The following PAK1 variants were observed in gnomAD, a reference collection of about 807,000 sequenced individuals.
PAK1 encodes the protein p21 (RAC1) activated kinase 1, also known as serine/threonine-protein kinase PAK 1.
Under a neutral mutation model 67.4 loss-of-function variants are expected in PAK1, and 29 were observed. The ratio of observed to expected loss-of-function variants is 0.43; its 90% CI spans 0.32 to 0.59. The LOEUF (loss-of-function observed/expected upper bound fraction) is 0.59. Ranked by LOEUF, PAK1 falls within the 20% of genes least tolerant of loss-of-function variation. The pLI is 0.07. For missense variants in PAK1, 337 were observed against 670.7 expected, an observed-to-expected ratio of 0.50 and a Z score of 5.50; for synonymous variants, 223 against 237.4, an observed-to-expected ratio of 0.94 and a Z score of 0.56.
intron 10 of PAK1, among the ~76,000 whole-genome samples, chr11:77,342,750 G>A (rs971214945): frequency 2.0e-5 from 3 of 152,066 alleles, no homozygotes; most frequent in South Asian, 2.1e-4. Flanking sequence ...ACAAGAAGGC[G>A]CCCTTATGAA....
intron 7 of PAK1, among the ~76,000 whole-genome samples, chr11:77,354,399 A>G (rs1282961677): frequency 6.6e-6 from 1 of 152,168 alleles, no homozygotes; most frequent in Non-Finnish European, 1.5e-5. Flanking sequence ...TGATTTGCAA[A>G]TGAGACAAGT....
At chr11:77,462,098 G>A (rs1254327725) in intron 1 of PAK1, among the ~76,000 whole-genome samples, 3 of 151,404 alleles carry the variant, frequency 2.0e-5, no homozygotes, top group South Asian at 2.1e-4. Context: ...AGGCCGAAGC[G>A]GGTGGATCAC....
chr11:77,332,082 C>T (rs955165404), intron 14 of PAK1, among the ~76,000 whole-genome samples: 11 of 151,400 alleles, frequency 7.3e-5, no homozygotes, highest in African/African-American at 2.4e-4. Context: ...GTGCGCAGAT[C>T]GCTTGAACCC....
intron 1 of PAK1, among the ~76,000 whole-genome samples, chr11:77,454,910 T>A (rs935496755): frequency 1.3e-5 from 2 of 152,190 alleles, no homozygotes; most frequent in Admixed American, 1.3e-4. Flanking sequence ...GGGCAGGTGG[T>A]CTCTACTGGT....
chr11:77,437,385 C>T (rs750919198), intron 1 of PAK1, among the ~76,000 whole-genome samples: 4 of 152,098 alleles, frequency 2.6e-5, no homozygotes, highest in South Asian at 2.1e-4. Context: ...CTAACTTATA[C>T]GATTATTATG....
At chr11:77,415,461 A>T (rs1316881707) in intron 1 of PAK1, among the ~76,000 whole-genome samples, 1 of 152,180 alleles carries the variant, frequency 6.6e-6, no homozygotes, top group African/African-American at 2.4e-5. Flanking sequence ...TCTACTACAC[A>T]CCTAGCCTAT....
the PAK1 span, among the ~76,000 whole-genome samples, chr11:77,481,095 T>G: frequency 1.3e-5 from 2 of 152,224 alleles, no homozygotes; most frequent in South Asian, 4.1e-4. Context: ...GAATGCATAT[T>G]CTCTATTTGT....
intron 1 of PAK1, among the ~76,000 whole-genome samples, chr11:77,452,617 TA>T (rs1037968790): frequency 2.0e-5 from 3 of 151,262 alleles, no homozygotes; most frequent in Non-Finnish European, 4.4e-5. Context: ...AGTAACTTTC[TA>T]AAAGAAAAAA....
chr11:77,375,674 AT>A (rs1948998445), intron 4 of PAK1, among the ~76,000 whole-genome samples: 1 of 152,228 alleles, frequency 6.6e-6, no homozygotes, highest in African/African-American at 2.4e-5. Flanking sequence ...ACTTCATAAA[AT>A]TTGAAAGAGA....
intron 9 of PAK1, among the ~76,000 whole-genome samples, chr11:77,345,070 A>C (rs1944200162): frequency 6.6e-6 from 1 of 152,198 alleles, no homozygotes; most frequent in Non-Finnish European, 1.5e-5. Context: ...TTCATTCTCC[A>C]AACCCAATAT....
intron 1 of PAK1, among the ~76,000 whole-genome samples, chr11:77,467,027 C>G (rs1364583735): frequency 6.6e-6 from 1 of 152,194 alleles, no homozygotes; most frequent in Admixed American, 6.5e-5. Context: ...CCTCTCTGCT[C>G]TCACGCCTCC....
In PAK1 at chr11:77,444,043, A is replaced by G. The variant is rs1240444042; in HGVS notation, c.-22+29509T>C. Among the ~76,000 whole-genome samples the G allele has an allele frequency of 3.9e-5, 6 of 152,228 alleles. No individual in the cohort carries two copies. In the South Asian group the frequency reaches 1.0e-3, roughly 26 times the overall value. Reference sequence around the variant, plus strand: ...CTATAAATGAGCAAACTGAGACTCAAAAAGAATTCCAGTGACTTACCCATG... The same window carrying G: ...CTATAAATGAGCAAACTGAGACTCAGAAAGAATTCCAGTGACTTACCCATG... On this transcript the variant is annotated intron_variant, in intron 1 of 14. Transcript: ENST00000356341.
At chr11:77,461,424 G>T (rs1957338400) in intron 1 of PAK1, among the ~76,000 whole-genome samples, 1 of 152,222 alleles carries the variant, frequency 6.6e-6, no homozygotes, top group Non-Finnish European at 1.5e-5. Context: ...CATCTAATCA[G>T]TTGAAAGGCT....
intron 12 of PAK1, among the ~76,000 whole-genome samples, chr11:77,336,919 A>G (rs546674262): frequency 6.6e-6 from 1 of 152,086 alleles, no homozygotes; most frequent in East Asian, 1.9e-4. Flanking sequence ...ACTTGTCCTC[A>G]TATCCCTAGA....
the PAK1 span, among the ~76,000 whole-genome samples, chr11:77,520,581 TCCTAAG>T: frequency 6.6e-6 from 1 of 152,052 alleles, no homozygotes; most frequent in Non-Finnish European, 1.5e-5. Flanking sequence ...CCAAGCCCAA[TCCTAAG>T]CCAACCAGTT....
intron 1 of PAK1, among the ~76,000 whole-genome samples, chr11:77,432,894 C>A (rs746768576): frequency 1.3e-5 from 2 of 150,106 alleles, no homozygotes; most frequent in Non-Finnish European, 3.0e-5. Context: ...ACTTGTACAA[C>A]CTTGAAAAAG....
rs113975614 is a variant in PAK1 at position 77,337,426 on chromosome 11, A to G, written c.1117-3T>C. 1.3e-5 allele frequency: 21 copies of G among 1,561,610 alleles called. No individual in the cohort carries two copies. The highest frequency in any genetic ancestry group is 5.4e-5 in the African/African-American group (4 of 73,982). ...AAGAACTCCAGAGCCTGCAGACACT[A>G]TTGAAGTGGTGTGGGCAGGGGGAGA... On this transcript the variant is annotated splice_region_variant and splice_polypyrimidine_tract_variant and intron_variant, in intron 11 of 14. Coordinates refer to ENST00000356341, the MANE Select transcript of PAK1 (RefSeq NM_002576.5).
the PAK1 span, among the ~76,000 whole-genome samples, chr11:77,482,604 T>C: frequency 6.6e-6 from 1 of 151,142 alleles, no homozygotes; most frequent in Non-Finnish European, 1.5e-5. Context: ...TTTCTTTTTT[T>C]TTTTTTTGAG....
rs1290484613 is a variant in PAK1 at position 77,323,304 on chromosome 11, T to C, written c.1608A>G (p.Ala536=). The C allele has an allele frequency of 3.7e-6, 6 of 1,613,952 alleles. No individual in the cohort carries two copies. The highest frequency in any genetic ancestry group is 5.1e-6 in the Non-Finnish European group (6 of 1,179,956). Residue 536 remains alanine (A), a synonymous_variant, in exon 15 of 15, where the codon GCA becomes GCG. Coordinates refer to ENST00000356341, the MANE Select transcript of PAK1 (RefSeq NM_002576.5). The part of the protein sequence containing the change: ...PLSSLTPLIA[A]AKEATKNNH ...GATTGTTCTTTGTTGCCTCCTTAGC[T>C]GCAGCAATCAGTGGAGTGAGGCTGG...
Sources: gnomAD v4.1 joint callset for allele counts (sites outside exome capture counted in the v4.1 genomes callset) on GRCh38, gnomAD v4.1.1 for gene constraint, MANE v1.5 for transcripts, NCBI Gene and HGNC (gene_info 2026-07-23, HGNC 2026-07-21) for gene names.